KDM4C: variants seen among roughly 807,000 people sequenced by gnomAD.
KDM4C encodes the protein lysine-specific demethylase 4C.
KDM4C carries 81 observed loss-of-function variants against 129.3 expected under a neutral mutation model. The ratio of observed to expected loss-of-function variants is 0.63; its 90% CI spans 0.52 to 0.75. The LOEUF is 0.75. Ranked by LOEUF, KDM4C falls within the 30% of genes least tolerant of loss-of-function variation. The pLI, the probability that KDM4C is intolerant of heterozygous loss-of-function variation, is 0.00. For missense variants in KDM4C, 1,457 were observed against 1,304.0 expected, an observed-to-expected ratio of 1.12 and a Z score of -1.81; for synonymous variants, 573 against 456.1, an observed-to-expected ratio of 1.26 and a Z score of -3.26.
At chr9:6,731,626 C>T (rs2130214663) in intron 1 of KDM4C, among the ~76,000 whole-genome samples, 1 of 152,294 alleles carries the variant, frequency 6.6e-6, no homozygotes, top group African/African-American at 2.4e-5. Context: ...GCCACTGCGC[C>T]CGGCCAAGCA....
Position 6,813,302 on chromosome 9 carries a change from C to G in KDM4C, c.321-1329C>G, listed in dbSNP as rs758306111. Among the ~76,000 whole-genome samples, 170 of 152,204 alleles carry G rather than the reference C, an allele frequency of 1.1e-3. 2 individuals are homozygous for G. The highest frequency in any genetic ancestry group is 2.8e-3 in the Admixed American group (43 of 15,286). ...CTTCCTGCTTTGGGCTCCCAAAATG[C>G]TGGGATTATAGCCACCATGCCCATC... On this transcript the variant is annotated intron_variant, in intron 3 of 21. Coordinates refer to ENST00000381309, the MANE Select transcript of KDM4C (RefSeq NM_015061.6).
chr9:6,835,646 G>T (rs1835746973), intron 4 of KDM4C: 1 of 766,700 alleles, frequency 1.3e-6, no homozygotes, highest in Non-Finnish European at 2.4e-6. Flanking sequence ...AACAAGATGA[G>T]ATTGGCATGG....
intron 15 of KDM4C, among the ~76,000 whole-genome samples, chr9:7,026,119 C>T (rs779001896): frequency 4.0e-5 from 6 of 151,528 alleles, no homozygotes; most frequent in Non-Finnish European, 4.4e-5. Context: ...GGCAGGAGAT[C>T]GCTTGAACCC....
intron 5 of KDM4C, among the ~76,000 whole-genome samples, chr9:6,855,491 C>T (rs536095471): frequency 1.0e-4 from 15 of 147,416 alleles, no homozygotes; most frequent in African/African-American, 3.8e-4. Context: ...AAAAAGGAAC[C>T]CAATTTAAGT....
intron 4 of KDM4C, among the ~76,000 whole-genome samples, chr9:6,842,453 G>T (rs1837133064): frequency 6.6e-6 from 1 of 150,990 alleles, no homozygotes; most frequent in South Asian, 2.1e-4. Flanking sequence ...TCTTGTCTCA[G>T]TCTCTTGAGT....
chr9:7,158,962 T>C (rs1035856469), intron 19 of KDM4C, among the ~76,000 whole-genome samples: 7 of 152,166 alleles, frequency 4.6e-5, no homozygotes, highest in African/African-American at 1.7e-4. Flanking sequence ...CCCATTATTA[T>C]TGTGTGGGAG....
intron 1 of KDM4C, among the ~76,000 whole-genome samples, chr9:6,728,580 C>T (rs1817220469): frequency 6.6e-6 from 1 of 151,960 alleles, no homozygotes; most frequent in South Asian, 2.1e-4. Flanking sequence ...GGCTCAGTGG[C>T]TCATGCCTGT....
intron 4 of KDM4C, among the ~76,000 whole-genome samples, chr9:6,827,047 G>A (rs972065078): frequency 4.6e-5 from 7 of 152,260 alleles, no homozygotes; most frequent in African/African-American, 1.4e-4. Flanking sequence ...CACAGTGGGT[G>A]GCCAGATCGC....
chr9:6,873,145 C>A (rs1303954592), intron 5 of KDM4C, among the ~76,000 whole-genome samples: 4 of 152,152 alleles, frequency 2.6e-5, no homozygotes, highest in South Asian at 2.1e-4. Context: ...TATAGGCATG[C>A]ACCACCATGC....
chr9:6,875,536 C>G (rs753148604), intron 5 of KDM4C, among the ~76,000 whole-genome samples: 5 of 152,158 alleles, frequency 3.3e-5, no homozygotes, highest in Non-Finnish European at 5.9e-5. Context: ...GGTAATGATA[C>G]TTATTTCAGA....
rs371112152 is a variant in KDM4C at position 7,111,211 on chromosome 9, T to A, written c.2610+7341T>A. On this transcript the variant is annotated intron_variant, in intron 18 of 21. Coordinates refer to ENST00000381309, the MANE Select transcript of KDM4C (RefSeq NM_015061.6). ...TTTTCAGATATTAACTTATTTAATC[T>A]TCAGTGTCCCATTCATGGTAGGTAT... Among the ~76,000 whole-genome samples the A allele has an allele frequency of 9.9e-5, 15 of 152,248 alleles. No homozygotes were observed. In the South Asian group the frequency reaches 3.1e-3, roughly 32 times the overall value.
chr9:6,948,789 ACCG>A (rs1455535178), intron 8 of KDM4C, among the ~76,000 whole-genome samples: 1 of 152,088 alleles, frequency 6.6e-6, no homozygotes, highest in African/African-American at 2.4e-5. Flanking sequence ...TTCAGAGAGC[ACCG>A]GGTTGGGGGT....
intron 17 of KDM4C, among the ~76,000 whole-genome samples, chr9:7,059,117 G>C (rs1759755528): frequency 6.6e-6 from 1 of 152,162 alleles, no homozygotes; most frequent in Admixed American, 6.5e-5. Context: ...GCCAACATTT[G>C]GAAGATTGGT....
At chr9:7,160,064 C>G (rs148550500) in intron 19 of KDM4C, among the ~76,000 whole-genome samples, 14 of 152,294 alleles carry the variant, frequency 9.2e-5, no homozygotes, top group African/African-American at 2.2e-4. Flanking sequence ...TGTCTTCTCA[C>G]TTAATTTCAT....
At chr9:6,886,491 C>CT (rs1845284996) in intron 6 of KDM4C, among the ~76,000 whole-genome samples, 2 of 135,756 alleles carry the variant, frequency 1.5e-5, no homozygotes, top group African/African-American at 5.2e-5. Context: ...TTTTTTTTTT[C>CT]TTTTTTCCTT....
At chr9:6,867,218 G>A (rs1842178525) in intron 5 of KDM4C, among the ~76,000 whole-genome samples, 1 of 151,990 alleles carries the variant, frequency 6.6e-6, no homozygotes, top group African/African-American at 2.4e-5. Flanking sequence ...GTTTCACCAT[G>A]TTGGCTAAGA....
At chr9:7,134,151 T>G (rs568207699) in intron 19 of KDM4C, among the ~76,000 whole-genome samples, 3 of 152,200 alleles carry the variant, frequency 2.0e-5, no homozygotes, top group Non-Finnish European at 4.4e-5. Context: ...CTTTCTTTGG[T>G]TTAGAGGTCT....
chr9:7,100,116 T>A (rs1206693011), intron 17 of KDM4C, among the ~76,000 whole-genome samples: 1 of 152,054 alleles, frequency 6.6e-6, no homozygotes, highest in Non-Finnish European at 1.5e-5. Context: ...TCAAGGCCGG[T>A]TGTGGCGTGA....
At chr9:6,808,187 GA>G in intron 3 of KDM4C, among the ~76,000 whole-genome samples, 1 of 68,816 alleles carries the variant, frequency 1.5e-5, no homozygotes, top group Admixed American at 1.3e-4. Flanking sequence ...CCCCGTCTGG[GA>G]GGTGTGCCCA....
Sources: allele counts gnomAD v4.1 joint callset (sites outside exome capture counted in the v4.1 genomes callset), GRCh38; gene constraint gnomAD v4.1.1; transcripts MANE v1.5; gene names NCBI Gene and HGNC (gene_info 2026-07-23, HGNC 2026-07-21).